The following RNF17 variants were observed in gnomAD, a reference collection of about 807,000 sequenced individuals.
RNF17 encodes ring finger protein 17.
RNF17 carries 31 observed loss-of-function variants against 200.5 expected under a neutral mutation model. That is an observed-to-expected ratio of 0.15 (90% CI 0.12 to 0.21). RNF17 has a LOEUF of 0.21. Ranked by LOEUF, RNF17 falls within the 10% of genes least tolerant of loss-of-function variation. The pLI, the probability that RNF17 is intolerant of heterozygous loss-of-function variation, is 1.00. For synonymous variants in RNF17, 606 were observed against 637.8 expected, an observed-to-expected ratio of 0.95 and a Z score of 0.75; for missense variants, 1,628 against 1,905.1, an observed-to-expected ratio of 0.85 and a Z score of 2.71.
At chr13:24,868,052 T>G (rs1250110031) in intron 30 of RNF17, among the ~76,000 whole-genome samples, 3 of 152,120 alleles carry the variant, frequency 2.0e-5, no homozygotes, top group African/African-American at 4.8e-5. Context: ...CAATAAACAT[T>G]CATGCATTTT....
At chr13:24,795,143 A>G (rs571389046) in intron 10 of RNF17, among the ~76,000 whole-genome samples, 4 of 152,284 alleles carry the variant, frequency 2.6e-5, no homozygotes, top group East Asian at 3.9e-4. Flanking sequence ...AAAATGACCC[A>G]TTTGTTCAGT....
At chr13:24,776,202 A>G (rs1294832069) in intron 3 of RNF17, among the ~76,000 whole-genome samples, 3 of 152,160 alleles carry the variant, frequency 2.0e-5, no homozygotes, top group Non-Finnish European at 4.4e-5. Flanking sequence ...TCCTATGTCC[A>G]TAACCTATCT....
intron 28 of RNF17, among the ~76,000 whole-genome samples, chr13:24,863,854 G>A (rs753799312): frequency 5.9e-5 from 9 of 152,182 alleles, no homozygotes; most frequent in South Asian, 2.1e-4. Flanking sequence ...CAACCCAGCC[G>A]ACAGCAGGCC....
At chr13:24,840,377 T>C (rs116254983) in intron 18 of RNF17, among the ~76,000 whole-genome samples, 2,587 of 152,264 alleles carry the variant, frequency 0.017, 73 homozygotes, top group African/African-American at 0.059. Flanking sequence ...CTGCTAGATA[T>C]CTACCCAGAG....
chr13:24,778,400 A>AATGTTGGTATGAAAC lies in RNF17; in HGVS notation c.426_429+11dup. On this transcript the variant is annotated stop_gained and inframe_insertion, in exon 4 of 36. Transcript: ENST00000255324. LOFTEE classifies it high-confidence loss of function. ...AGACTCTTTTGAACTCATCAGCTGT[A>AATGTTGGTATGAAAC]ATGTTGGTATGAAACATATTGGTCA... 1 of 1,606,002 alleles carries AATGTTGGTATGAAAC rather than the reference A, an allele frequency of 6.2e-7. No homozygotes were observed. The highest frequency in any genetic ancestry group is 8.5e-7 in the Non-Finnish European group (1 of 1,172,676).
At chr13:24,863,834 G>A (rs144283264) in intron 28 of RNF17, among the ~76,000 whole-genome samples, 1 of 152,320 alleles carries the variant, frequency 6.6e-6, no homozygotes, top group Non-Finnish European at 1.5e-5. Context: ...CCACGAATGT[G>A]CATGCCACAC....
intron 18 of RNF17, among the ~76,000 whole-genome samples, chr13:24,836,885 C>T (rs2138075759): frequency 6.6e-6 from 1 of 152,242 alleles, no homozygotes; most frequent in South Asian, 2.1e-4. Flanking sequence ...TCAATATTAA[C>T]ATTGAATGTA....
intron 15 of RNF17, among the ~76,000 whole-genome samples, chr13:24,812,345 C>T (rs951665152): frequency 3.2e-4 from 49 of 151,136 alleles, no homozygotes; most frequent in African/African-American, 1.1e-3. Context: ...AATCTCCTGG[C>T]GCGCCATTTT....
downstream of RNF17, among the ~76,000 whole-genome samples, chr13:24,881,826 A>G (rs77155939): frequency 0.24 from 22,140 of 92,564 alleles, 1,249 homozygotes; most frequent in Admixed American, 0.27. Context: ...CTATATAGAT[A>G]CATCTATATA....
At position 24,770,808 on chromosome 13, in the gene RNF17, TTAAC is replaced by T. The variant is rs144383858; in HGVS notation, c.225+3446_225+3449del. Among the ~76,000 whole-genome samples, 1,424 of 152,356 alleles carry T rather than the reference TTAAC, an allele frequency of 9.3e-3. 27 individuals are homozygous for T. Among genetic ancestry groups the T allele is most frequent in the African/African-American group, 0.033 (1,367 of 41,580 alleles). ...CATGAAAATAAGCACTATAATTTTC[TTAAC>T]TAATTTCTTTATTGATAAACATTTA... On this transcript the variant is annotated intron_variant, in intron 2 of 35. Transcript: ENST00000255324.
chr13:24,775,600 T>C (rs1187323263), intron 3 of RNF17, among the ~76,000 whole-genome samples: 1 of 152,218 alleles, frequency 6.6e-6, no homozygotes, highest in East Asian at 1.9e-4. Flanking sequence ...GAAGACTTTG[T>C]GAAGAGTTGG....
At position 24,823,316 on chromosome 13, in the gene RNF17, C is replaced by T. The variant is rs546907307; in HGVS notation, c.2092-2303C>T. Among the ~76,000 whole-genome samples, 7 of 152,288 alleles carry T rather than the reference C, an allele frequency of 4.6e-5. No homozygotes were observed. The East Asian group carries it at 1.4e-3, about 29-fold the overall frequency. On this transcript the variant is annotated intron_variant, in intron 15 of 35. Transcript: ENST00000255324. ...CTTGAACTCCTGACCTCATGATCTG[C>T]CCGCCTCAGCTTCCCAAAGTGCTGG...
chr13:24,762,579 A>C (rs189308159), upstream of RNF17, among the ~76,000 whole-genome samples: 122 of 152,232 alleles, frequency 8.0e-4, 1 homozygote, highest in African/African-American at 2.8e-3. Context: ...TAATTTAGGG[A>C]AGCAGTACTT....
At chr13:24,849,771 G>C (rs1221993294) in intron 22 of RNF17, among the ~76,000 whole-genome samples, 1 of 152,160 alleles carries the variant, frequency 6.6e-6, no homozygotes, top group African/African-American at 2.4e-5. Context: ...AAATTTTGTT[G>C]AATCAGTAAT....
chr13:24,850,498 C>A, intron 23 of RNF17, 55 bp downstream of exon 23: 1 of 1,123,466 alleles, frequency 8.9e-7, no homozygotes, highest in South Asian at 1.5e-5. Flanking sequence ...TCCATCGATT[C>A]CATTTATTTT....
rs973184608 is a variant in RNF17, at chr13:24,876,780, C to T, written c.4584-217C>T. ...CATTCTGTAGGTTGCCTTTTTGTTC[C>T]GTTGTGTCCTTTGATACACAGAAGT... On this transcript the variant is annotated intron_variant, in intron 33 of 35. Transcript: ENST00000255324. Among the ~76,000 whole-genome samples, 5 of 151,984 alleles carry T rather than the reference C, an allele frequency of 3.3e-5. No homozygotes were observed. The East Asian group carries it at 5.8e-4, about 18-fold the overall frequency.
chr13:24,796,365 A>G lies in RNF17; in HGVS notation c.1399+70A>G, dbSNP rs796920818. ...TAATATAATAACTTGGCCAACCCAC[A>G]TAAGACTTGTTATAATATAGATTTT... On this transcript the variant is annotated intron_variant, in intron 11 of 35. Transcript: ENST00000255324. 23 of 1,011,672 alleles carry G rather than the reference A, an allele frequency of 2.3e-5. No homozygotes were observed. In the African/African-American group the frequency reaches 3.0e-4, roughly 13 times the overall value. 62.7% of individuals were successfully genotyped at this position (1,011,672 alleles called of 1,614,324 possible).
chr13:24,794,292 T>G (rs974279968), intron 10 of RNF17: 4 of 446,486 alleles, frequency 9.0e-6, no homozygotes, highest in Admixed American at 5.0e-5. Flanking sequence ...TTACTGTATG[T>G]GTAGTAAGTA....
chr13:24,836,786 G>A (rs1240637140), intron 18 of RNF17, among the ~76,000 whole-genome samples: 2 of 142,310 alleles, frequency 1.4e-5, no homozygotes, highest in Non-Finnish European at 3.0e-5. Context: ...CACCAGACCT[G>A]TAAAACAAAA....
Sources: allele counts gnomAD v4.1 joint callset (sites outside exome capture counted in the v4.1 genomes callset), GRCh38; gene constraint gnomAD v4.1.1; transcripts MANE v1.5; gene names NCBI Gene and HGNC (gene_info 2026-07-23, HGNC 2026-07-21).